FGF14: variants seen among roughly 807,000 people sequenced by gnomAD.
FGF14 encodes the protein fibroblast growth factor homologous factor 4.
Under a neutral mutation model 25.5 loss-of-function variants are expected in FGF14, and 5 were observed. The ratio of observed to expected loss-of-function variants is 0.20; its 90% confidence interval spans 0.10 to 0.41. The LOEUF is 0.41. Among genes scored for constraint, FGF14 ranks in the 10% least tolerant of loss-of-function variants. The pLI is 1.00. For synonymous variants in FGF14, 138 were observed against 118.3 expected (o/e 1.17, Z -1.08); for missense variants, 222 against 320.1 (o/e 0.69, Z 2.34).
chr13:102,307,508 C>A (rs556828607), intron 1 of FGF14, among the ~76,000 whole-genome samples: 4 of 152,158 alleles, frequency 2.6e-5, no homozygotes, highest in Non-Finnish European at 4.4e-5. Context: ...AAATTCTGTA[C>A]AATATCCAGA....
chr13:102,133,795 C>T (rs80135852), intron 1 of FGF14, among the ~76,000 whole-genome samples: 7,766 of 152,236 alleles, frequency 0.051, 257 homozygotes, highest in Middle Eastern at 0.17. Context: ...GTTTAGAATT[C>T]CCTCGTTGCT....
intron 1 of FGF14, among the ~76,000 whole-genome samples, chr13:102,040,855 C>T (rs1213453003): frequency 6.6e-6 from 1 of 152,138 alleles, no homozygotes; most frequent in Non-Finnish European, 1.5e-5. Flanking sequence ...TGCTCTGACT[C>T]ATTTTGCAAA....
chr13:101,723,364 A>G (rs1247679871), intron 4 of FGF14, among the ~76,000 whole-genome samples: 1 of 152,042 alleles, frequency 6.6e-6, no homozygotes, highest in African/African-American at 2.4e-5. Flanking sequence ...GCACATTAAT[A>G]TCAACACATG....
intron 1 of FGF14, among the ~76,000 whole-genome samples, chr13:101,890,991 A>G (rs2046240689): frequency 2.0e-5 from 3 of 152,108 alleles, no homozygotes; most frequent in Non-Finnish European, 2.9e-5. Flanking sequence ...TAGGATCACC[A>G]AGATCCAGTG....
At chr13:101,745,498 C>T (rs1022791078) in intron 3 of FGF14, among the ~76,000 whole-genome samples, 1 of 151,932 alleles carries the variant, frequency 6.6e-6, no homozygotes, top group Non-Finnish European at 1.5e-5. Flanking sequence ...TATCTGTGTC[C>T]CACACATTCA....
chr13:101,756,805 T>C (rs1396571050), intron 3 of FGF14, among the ~76,000 whole-genome samples: 4 of 152,114 alleles, frequency 2.6e-5, no homozygotes, highest in African/African-American at 9.7e-5. Flanking sequence ...CAAATAACAG[T>C]TGAATCTACA....
At chr13:102,042,039 TACTC>T (rs2041769227) in intron 1 of FGF14, among the ~76,000 whole-genome samples, 1 of 152,180 alleles carries the variant, frequency 6.6e-6, no homozygotes. Context: ...CAAACGAACA[TACTC>T]AAAGAAGAGC....
intron 1 of FGF14, among the ~76,000 whole-genome samples, chr13:102,024,580 G>C (rs1288147778): frequency 6.6e-6 from 1 of 151,720 alleles, no homozygotes; most frequent in African/African-American, 2.4e-5. Flanking sequence ...ACTTTTTGAT[G>C]GTCTCCTTTG....
chr13:102,045,799 T>G (rs2041955220), intron 1 of FGF14: 1 of 152,172 alleles, frequency 6.6e-6, no homozygotes, highest in African/African-American at 2.4e-5. Context: ...CCTGAAAATC[T>G]TTGCTCTGCC....
chr13:101,808,324 C>T (rs2041314966), intron 3 of FGF14, among the ~76,000 whole-genome samples: 1 of 151,918 alleles, frequency 6.6e-6, no homozygotes, highest in Non-Finnish European at 1.5e-5. Flanking sequence ...CTTTTCTTTT[C>T]TTTCTCCCAT....
chr13:102,110,329 T>C (rs966859749), intron 1 of FGF14, among the ~76,000 whole-genome samples: 1 of 152,168 alleles, frequency 6.6e-6, no homozygotes, highest in African/African-American at 2.4e-5. Flanking sequence ...TCCTCACAAT[T>C]ACCTGCTTGA....
chr13:102,268,521 TG>T (rs1239682995), intron 1 of FGF14, among the ~76,000 whole-genome samples: 3 of 151,924 alleles, frequency 2.0e-5, no homozygotes, highest in Non-Finnish European at 2.9e-5. Flanking sequence ...TACAGGAAAA[TG>T]TCTAGAATAA....
At chr13:102,383,868 C>G (rs115046551) in intron 1 of FGF14, among the ~76,000 whole-genome samples, 2,448 of 152,216 alleles carry the variant, frequency 0.016, 72 homozygotes, top group African/African-American at 0.056. Context: ...GGTGTGAAAT[C>G]AACTATCTGA....
intron 1 of FGF14, among the ~76,000 whole-genome samples, chr13:102,312,487 C>T (rs2055822032): frequency 1.3e-5 from 2 of 152,126 alleles, no homozygotes; most frequent in Admixed American, 1.3e-4. Context: ...ATAAATAGGA[C>T]TGATACTTGG....
intron 1 of FGF14, among the ~76,000 whole-genome samples, chr13:102,110,596 C>A (rs1410931084): frequency 6.6e-6 from 1 of 152,128 alleles, no homozygotes; most frequent in Non-Finnish European, 1.5e-5. Flanking sequence ...TTTCACAGAG[C>A]CACAGATATT....
intron 3 of FGF14, among the ~76,000 whole-genome samples, chr13:101,811,631 G>A (rs1044681141): frequency 1.3e-5 from 2 of 152,182 alleles, no homozygotes; most frequent in Non-Finnish European, 2.9e-5. Flanking sequence ...AGAGGCCAAG[G>A]GACATGATTG....
At chr13:102,312,088 T>C (rs1217932352) in intron 1 of FGF14, among the ~76,000 whole-genome samples, 2 of 152,142 alleles carry the variant, frequency 1.3e-5, no homozygotes, top group African/African-American at 2.4e-5. Context: ...CTACTCTGAG[T>C]TTCAGTTCCC....
At chr13:102,060,608 T>C (rs571215950) in intron 1 of FGF14, among the ~76,000 whole-genome samples, 1 of 152,346 alleles carries the variant, frequency 6.6e-6, no homozygotes, top group Admixed American at 6.5e-5. Flanking sequence ...CCTCAATGTT[T>C]TTTAACTGGT....
At chr13:102,175,960 T>C (rs1352727595) in intron 1 of FGF14, among the ~76,000 whole-genome samples, 1 of 152,024 alleles carries the variant, frequency 6.6e-6, no homozygotes, top group South Asian at 2.1e-4. Flanking sequence ...TGCTTATACA[T>C]TGTCGGTGGG....
Sources: gnomAD v4.1 joint callset for allele counts (sites outside exome capture counted in the v4.1 genomes callset) on GRCh38, gnomAD v4.1.1 for gene constraint, MANE v1.5 for transcripts, NCBI Gene and HGNC (gene_info 2026-07-23, HGNC 2026-07-21) for gene names.